Variants in BNC2 observed in about 807,000 individuals in gnomAD.
The protein encoded by BNC2 is zinc finger protein basonuclin-2.
Under a neutral mutation model 76.3 loss-of-function variants are expected in BNC2, and 20 were observed. The observed-to-expected ratio is 0.26, with a 90% CI of 0.18 to 0.38. The LOEUF is 0.38. Among genes scored for constraint, BNC2 ranks in the 10% least tolerant of loss-of-function variants. The pLI, the probability that BNC2 is intolerant of heterozygous loss-of-function variation, is 1.00. For missense variants in BNC2, 1,382 were observed against 1,399.8 expected, an observed-to-expected ratio of 0.99 and a Z score of 0.20; for synonymous variants, 582 against 514.8, an observed-to-expected ratio of 1.13 and a Z score of -1.77.
chr9:16,868,091 G>C (rs1819587201), intron 1 of BNC2: 1 of 152,152 alleles, frequency 6.6e-6, no homozygotes, highest in African/African-American at 2.4e-5. Flanking sequence ...GTCTAAATCA[G>C]GCAGATTTTT....
At chr9:16,593,446 A>T (rs1819986372) in intron 3 of BNC2, among the ~76,000 whole-genome samples, 1 of 152,104 alleles carries the variant, frequency 6.6e-6, no homozygotes, top group African/African-American at 2.4e-5. Flanking sequence ...AGTTCAGAGT[A>T]AAAATCAACA....
intron 5 of BNC2, among the ~76,000 whole-genome samples, chr9:16,452,000 G>C (rs551718418): frequency 2.3e-4 from 35 of 152,316 alleles, no homozygotes; most frequent in African/African-American, 7.9e-4. Context: ...TAAAGTGTAA[G>C]TAGCTGACTT....
At chr9:16,639,533 C>G (rs1279402842) in intron 3 of BNC2, among the ~76,000 whole-genome samples, 2 of 152,042 alleles carry the variant, frequency 1.3e-5, no homozygotes, top group African/African-American at 4.8e-5. Context: ...TTCGTTAATT[C>G]TCATATCAAA....
At chr9:16,576,685 A>C (rs79343953) in intron 4 of BNC2, among the ~76,000 whole-genome samples, 5,454 of 152,290 alleles carry the variant, frequency 0.036, 299 homozygotes, top group East Asian at 0.22. Context: ...GAATTTGTAA[A>C]TAAAATACTG....
rs779387953 is a variant in BNC2, at chr9:16,738,348, A to C, written c.129+12T>G. 1.9e-6 allele frequency: 3 copies of C among 1,613,692 alleles called. No homozygotes were observed. The highest frequency in any genetic ancestry group is 2.7e-5 in the African/African-American group (2 of 74,912). ...CAAGTAACTTAAAGGGGGAAAAAAA[A>C]AACCAACATACCTCAATTTGAGATG... On this transcript the variant is annotated intron_variant, in intron 2 of 6. Coordinates refer to ENST00000380672, the MANE Select transcript of BNC2 (RefSeq NM_017637.6).
intron 4 of BNC2, among the ~76,000 whole-genome samples, chr9:16,553,630 G>C (rs998639771): frequency 2.6e-5 from 4 of 152,154 alleles, no homozygotes; most frequent in African/African-American, 9.7e-5. Flanking sequence ...AAAAAGCTGA[G>C]GATGACCATT....
At chr9:16,836,021 TAATTATTTTC>T (rs1035558137) in intron 1 of BNC2, among the ~76,000 whole-genome samples, 5 of 152,144 alleles carry the variant, frequency 3.3e-5, no homozygotes, top group African/African-American at 1.2e-4. Flanking sequence ...CTGCAGTACA[TAATTATTTTC>T]ATCTGGTTAT....
At chr9:16,577,457 A>G (rs901165959) in intron 4 of BNC2, among the ~76,000 whole-genome samples, 3 of 152,200 alleles carry the variant, frequency 2.0e-5, no homozygotes, top group Admixed American at 6.5e-5. Flanking sequence ...TATGATACTA[A>G]ATTAACTTTA....
At chr9:16,594,499 T>A (rs1820013779) in intron 3 of BNC2, among the ~76,000 whole-genome samples, 1 of 152,144 alleles carries the variant, frequency 6.6e-6, no homozygotes, top group Non-Finnish European at 1.5e-5. Context: ...GTAGGTGACC[T>A]TTTAACTAAA....
chr9:16,555,841 T>A (rs1046932567), intron 4 of BNC2, among the ~76,000 whole-genome samples: 11 of 151,976 alleles, frequency 7.2e-5, no homozygotes. Flanking sequence ...ACCACATAAA[T>A]ATAGAGCAAA....
chr9:16,622,229 G>A (rs749895565), intron 3 of BNC2, among the ~76,000 whole-genome samples: 3 of 152,004 alleles, frequency 2.0e-5, no homozygotes, highest in Non-Finnish European at 2.9e-5. Context: ...ATTTTCATCT[G>A]CGCCCACTCT....
At chr9:16,698,159 C>A (rs1346080900) in intron 3 of BNC2, among the ~76,000 whole-genome samples, 2 of 152,174 alleles carry the variant, frequency 1.3e-5, no homozygotes, top group African/African-American at 4.8e-5. Context: ...CATACATCTA[C>A]CTATTTACCA....
At chr9:16,723,084 G>A (rs1824210108) in intron 3 of BNC2, among the ~76,000 whole-genome samples, 1 of 152,078 alleles carries the variant, frequency 6.6e-6, no homozygotes, top group Non-Finnish European at 1.5e-5. Flanking sequence ...TAATTCAACA[G>A]GCTAAAACTG....
intron 1 of BNC2, among the ~76,000 whole-genome samples, chr9:16,841,614 C>A (rs778680989): frequency 5.9e-5 from 9 of 152,028 alleles, no homozygotes; most frequent in Non-Finnish European, 1.2e-4. Context: ...GGTTTCACTG[C>A]ACTGTGGTAT....
chr9:16,735,653 C>A (rs1204990848), intron 2 of BNC2, among the ~76,000 whole-genome samples: 4 of 151,694 alleles, frequency 2.6e-5, no homozygotes, highest in African/African-American at 7.3e-5. Flanking sequence ...TGTGCCATCA[C>A]CCCCGGCTAA....
chr9:16,785,447 T>C (rs1016062011), intron 1 of BNC2, among the ~76,000 whole-genome samples: 5 of 152,060 alleles, frequency 3.3e-5, no homozygotes, highest in African/African-American at 1.2e-4. Flanking sequence ...CAGGTCGGAG[T>C]GCAGTGGCTC....
At chr9:16,701,805 G>A (rs948346902) in intron 3 of BNC2, among the ~76,000 whole-genome samples, 1 of 151,932 alleles carries the variant, frequency 6.6e-6, no homozygotes, top group African/African-American at 2.4e-5. Context: ...AGCCAGGCGT[G>A]GTGGCAGGCA....
At chr9:16,568,781 C>T (rs937563803) in intron 4 of BNC2, among the ~76,000 whole-genome samples, 5 of 152,038 alleles carry the variant, frequency 3.3e-5, no homozygotes, top group African/African-American at 4.8e-5. Flanking sequence ...ATCAGGAGAT[C>T]GTGAAGGCAG....
In BNC2 at chr9:16,418,287, G is replaced by GT. The variant is rs1282325142; in HGVS notation, c.*701dup. ...TAACAGGTAGTAAAAACAAGACCAT[G>GT]TTTTTTTCTTTTTTTAAAAATGTGC... is the stretch of plus-strand genomic sequence containing the variant. On this transcript the variant is annotated 3_prime_UTR_variant, in exon 7 of 7. Transcript: ENST00000380672. 2.6e-5 allele frequency: 4 copies of GT among 152,544 alleles called. No individual in the cohort carries two copies. Among genetic ancestry groups the GT allele is most frequent in the South Asian group, 4.1e-4 (2 of 4,830 alleles). 9.4% of individuals were successfully genotyped at this position (152,544 alleles called of 1,614,324 possible).
Sources: allele counts gnomAD v4.1 joint callset (sites outside exome capture counted in the v4.1 genomes callset), GRCh38; gene constraint gnomAD v4.1.1; transcripts MANE v1.5; gene names NCBI Gene and HGNC (gene_info 2026-07-23, HGNC 2026-07-21).